The following TMPRSS11F variants were observed in gnomAD, a reference collection of about 807,000 sequenced individuals.
The protein encoded by TMPRSS11F is transmembrane serine protease 11F.
Under a neutral mutation model 60.2 loss-of-function variants are expected in TMPRSS11F, and 47 were observed. The observed-to-expected ratio is 0.78, with a 90% confidence interval of 0.62 to 1.00. The LOEUF (loss-of-function observed/expected upper bound fraction) is 1.00, where lower values mean the gene tolerates loss of function less well. Ranked by LOEUF, TMPRSS11F falls within the 50% of genes least tolerant of loss-of-function variation. The probability of loss-of-function intolerance (pLI) is 0.00; values close to 1 mark genes in which losing one functional copy is unlikely to be tolerated. For missense variants in TMPRSS11F, 519 were observed against 522.9 expected, an observed-to-expected ratio of 0.99 and a Z score of 0.07; for synonymous variants, 166 against 167.3, an observed-to-expected ratio of 0.99 and a Z score of 0.06.
intron 1 of TMPRSS11F, among the ~76,000 whole-genome samples, chr4:68,103,564 C>A (rs1213456645): frequency 6.6e-6 from 1 of 152,096 alleles, no homozygotes; most frequent in Non-Finnish European, 1.5e-5. Flanking sequence ...ATTAACATAG[C>A]TTTGTAATAC....
At chr4:68,056,495 T>C (rs1723049704) in intron 9 of TMPRSS11F, among the ~76,000 whole-genome samples, 2 of 150,546 alleles carry the variant, frequency 1.3e-5, no homozygotes, top group Non-Finnish European at 1.5e-5. Flanking sequence ...GTGAACGCTT[T>C]GTATACTGAA....
At chr4:68,086,545 G>A (rs1212290695) in intron 3 of TMPRSS11F, among the ~76,000 whole-genome samples, 1 of 151,898 alleles carries the variant, frequency 6.6e-6, no homozygotes, top group Non-Finnish European at 1.5e-5. Context: ...AAACTAAATT[G>A]AGACACAAAA....
rs188055245 is a variant in TMPRSS11F at position 68,095,661 on chromosome 4, G to C, written c.163+3226C>G. ...GCCTGTAATCCCAGCACTTTGGGAG[G>C]CCAAGTCGGGCAGATCACGAGGTCA... On this transcript the variant is annotated intron_variant, in intron 2 of 9. Transcript: ENST00000356291. Among the ~76,000 whole-genome samples, 274 of 152,156 alleles carry C rather than the reference G, an allele frequency of 1.8e-3. 1 individual carries two copies. In the South Asian group the frequency reaches 0.024, roughly 13 times the overall value.
chr4:68,120,665 G>T (rs950834238), intron 1 of TMPRSS11F, among the ~76,000 whole-genome samples: 1 of 152,254 alleles, frequency 6.6e-6, no homozygotes, highest in Non-Finnish European at 1.5e-5. Context: ...TGGGATTACA[G>T]GCGTGAGCCA....
At chr4:68,076,544 C>T (rs774298275) in intron 3 of TMPRSS11F, among the ~76,000 whole-genome samples, 1 of 152,050 alleles carries the variant, frequency 6.6e-6, no homozygotes, top group African/African-American at 2.4e-5. Context: ...CTCTTTGTAC[C>T]CTTTTAGACT....
intron 3 of TMPRSS11F, among the ~76,000 whole-genome samples, chr4:68,081,214 T>A (rs1723691157): frequency 1.3e-5 from 2 of 152,310 alleles, no homozygotes; most frequent in South Asian, 2.1e-4. Context: ...AGCCTTTTGA[T>A]ACTGAAAATT....
Position 68,129,791 on chromosome 4 carries a change from AGAAAAGC to A in TMPRSS11F, c.11+12_11+18del. The A allele has an allele frequency of 6.2e-7, 1 of 1,612,368 alleles. No homozygotes were observed. The highest frequency in any genetic ancestry group is 1.1e-5 in the South Asian group (1 of 90,874). On this transcript the variant is annotated intron_variant, in intron 1 of 9. Coordinates refer to ENST00000356291, the MANE Select transcript of TMPRSS11F (RefSeq NM_207407.2). The stretch of plus-strand genomic sequence containing the variant: ...CTGTCCCCACTGATAACCTTTACTG[AGAAAAGC>A]TGAATACTTACGCGTACATCATGAA...
rs777478260 is a variant in TMPRSS11F at position 68,072,502 on chromosome 4, G to A, written c.351-16C>T. The A allele has an allele frequency of 2.1e-6, 3 of 1,462,610 alleles. No homozygotes were observed. The highest frequency in any genetic ancestry group is 2.4e-5 in the East Asian group (1 of 41,376). 90.6% of individuals were successfully genotyped at this position (1,462,610 alleles called of 1,614,324 possible). A position where few individuals can be genotyped will look rare whatever the true frequency, so the allele number is the denominator to read the frequency against. On this transcript the variant is annotated splice_polypyrimidine_tract_variant and intron_variant, in intron 4 of 9. Transcript: ENST00000356291. ...TTCATCTGGACTGAAGAACAAAAAA[G>A]CAGATAAAAATGGCATTTATCTAAT...
At chr4:68,078,312 A>G (rs575117415) in intron 3 of TMPRSS11F, among the ~76,000 whole-genome samples, 2 of 152,266 alleles carry the variant, frequency 1.3e-5, no homozygotes, top group South Asian at 2.1e-4. Context: ...AATTTCTTCA[A>G]TTACAACCTT....
At chr4:68,084,751 T>C (rs12506143) in intron 3 of TMPRSS11F, among the ~76,000 whole-genome samples, 32,943 of 151,608 alleles carry the variant, frequency 0.22, 4,009 homozygotes, top group Admixed American at 0.37. Context: ...TTTTTTATTA[T>C]ACTTTAAGTT....
In TMPRSS11F at chr4:68,094,316, G is replaced by A. The variant is rs866713221; in HGVS notation, c.164-3675C>T. Among the ~76,000 whole-genome samples, 113 of 134,340 alleles carry A rather than the reference G, an allele frequency of 8.4e-4. 1 individual carries two copies. Among genetic ancestry groups the A allele is most frequent in the African/African-American group, 2.6e-3 (96 of 37,424 alleles). The allele number at this position is 134,340 out of a possible 152,430, so 88.1% of individuals were successfully genotyped here. On this transcript the variant is annotated intron_variant, in intron 2 of 9. Coordinates refer to ENST00000356291, the MANE Select transcript of TMPRSS11F (RefSeq NM_207407.2). ...TCGCAAGAACAGAAAACCAGACACC[G>A]CATATTCTCACTCATAGGTGGGAAT... is the stretch of plus-strand genomic sequence containing the variant.
At chr4:68,057,278 G>C in intron 9 of TMPRSS11F, among the ~76,000 whole-genome samples, 1 of 130,260 alleles carries the variant, frequency 7.7e-6, no homozygotes, top group African/African-American at 3.0e-5. Flanking sequence ...AAGCGAGACT[G>C]TCTCAAAAAA....
At chr4:68,121,615 AT>A in intron 1 of TMPRSS11F, among the ~76,000 whole-genome samples, 1 of 152,312 alleles carries the variant, frequency 6.6e-6, no homozygotes, top group East Asian at 1.9e-4. Flanking sequence ...ATAAAAATAA[AT>A]TTTAAAACAC....
At chr4:68,109,279 C>T (rs571416023) in intron 1 of TMPRSS11F, among the ~76,000 whole-genome samples, 4 of 151,882 alleles carry the variant, frequency 2.6e-5, no homozygotes, top group South Asian at 2.1e-4. Flanking sequence ...CTGGAGTACC[C>T]GGCCGGTACT....
At chr4:68,117,822 T>C (rs1724557217) in intron 1 of TMPRSS11F, among the ~76,000 whole-genome samples, 1 of 152,174 alleles carries the variant, frequency 6.6e-6, no homozygotes, top group Non-Finnish European at 1.5e-5. Flanking sequence ...GTAGTTAGTC[T>C]CAATCATGAT....
At chr4:68,127,395 T>C (rs1371399511) in intron 1 of TMPRSS11F, among the ~76,000 whole-genome samples, 1 of 152,144 alleles carries the variant, frequency 6.6e-6, no homozygotes, top group African/African-American at 2.4e-5. Context: ...TGTGGCTTAT[T>C]GATTTGCCTC....
chr4:68,085,092 C>T (rs1577921718), intron 3 of TMPRSS11F, among the ~76,000 whole-genome samples: 1 of 130,420 alleles, frequency 7.7e-6, no homozygotes, highest in African/African-American at 2.9e-5. Flanking sequence ...GCATAGTATT[C>T]CATGGTGTAT....
chr4:68,062,906 G>A (rs1267919951), intron 8 of TMPRSS11F: 1 of 805,242 alleles, frequency 1.2e-6, no homozygotes, highest in Non-Finnish European at 2.2e-6. Context: ...TATCACTTCT[G>A]CTGATAGTCT....
intron 5 of TMPRSS11F, among the ~76,000 whole-genome samples, chr4:68,070,963 A>G (rs1027359017): frequency 2.0e-5 from 3 of 152,208 alleles, no homozygotes; most frequent in African/African-American, 7.2e-5. Context: ...TTATTTTGGT[A>G]TTAAAACAAC....
Sources: allele counts gnomAD v4.1 joint callset (sites outside exome capture counted in the v4.1 genomes callset), GRCh38; gene constraint gnomAD v4.1.1; transcripts MANE v1.5; gene names NCBI Gene and HGNC (gene_info 2026-07-23, HGNC 2026-07-21).